KCTD16: variants seen among roughly 807,000 people sequenced by gnomAD.
KCTD16 encodes potassium channel tetramerization domain containing 16, also known as BTB/POZ domain-containing protein KCTD16.
In KCTD16, 13 loss-of-function variants were observed where a neutral mutation model predicts 33.2. The observed-to-expected ratio is 0.39, with a 90% CI of 0.25 to 0.62. KCTD16 has a LOEUF of 0.62. Ranked by LOEUF, KCTD16 falls within the 20% of genes least tolerant of loss-of-function variation. The probability of loss-of-function intolerance (pLI) is 0.50; values close to 1 mark genes in which losing one functional copy is unlikely to be tolerated. For missense variants in KCTD16, 441 were observed against 525.1 expected (o/e 0.84, Z 1.57); for synonymous variants, 197 against 195.3 (o/e 1.01, Z -0.07).
At chr5:144,313,884 G>A (rs2126879494) in intron 3 of KCTD16, among the ~76,000 whole-genome samples, 1 of 152,242 alleles carries the variant, frequency 6.6e-6, no homozygotes, top group African/African-American at 2.4e-5. Flanking sequence ...GCCAGGCACT[G>A]TCAATTATTT....
chr5:144,248,168 C>T (rs139270463), intron 3 of KCTD16, among the ~76,000 whole-genome samples: 81 of 152,198 alleles, frequency 5.3e-4, no homozygotes, highest in Non-Finnish European at 9.9e-4. Context: ...CCCTTGGAGG[C>T]AGAGACTTGA....
chr5:144,279,223 T>C (rs1755536306), intron 3 of KCTD16, among the ~76,000 whole-genome samples: 1 of 152,360 alleles, frequency 6.6e-6, no homozygotes, highest in Non-Finnish European at 1.5e-5. Flanking sequence ...ATTTTTTATG[T>C]AGACAAATAT....
chr5:144,209,828 ATATATATATATTTATATGTG>A (rs1044116961), intron 3 of KCTD16, among the ~76,000 whole-genome samples: 5 of 146,124 alleles, frequency 3.4e-5, no homozygotes, highest in African/African-American at 1.3e-4. Context: ...ATATATATAA[ATATATATATATTTATATGTG>A]TATATATATA....
chr5:144,271,385 T>C (rs1755290227), intron 3 of KCTD16, among the ~76,000 whole-genome samples: 1 of 152,024 alleles, frequency 6.6e-6, no homozygotes. Context: ...ATCACATTAA[T>C]AGAATGAAGG....
chr5:144,475,667 G>T lies in KCTD16; in HGVS notation c.*1553G>T, dbSNP rs756782754. 1.3e-5 allele frequency: 2 copies of T among 152,574 alleles called. No homozygotes were observed. The highest frequency in any genetic ancestry group is 2.4e-5 in the African/African-American group (1 of 41,434). 9.5% of individuals were successfully genotyped at this position (152,574 alleles called of 1,614,324 possible). A position where few individuals can be genotyped will look rare whatever the true frequency, so the allele number is the denominator to read the frequency against. ...AAGCACTCCTAATTTGTTTTATTGC[G>T]TGTGTGTGCATGTGTGTATGTGTAT... On this transcript the variant is annotated 3_prime_UTR_variant, in exon 4 of 4. Transcript: ENST00000512467.
At chr5:144,418,096 C>T (rs942659013) in intron 3 of KCTD16, among the ~76,000 whole-genome samples, 19 of 152,080 alleles carry the variant, frequency 1.2e-4, no homozygotes, top group African/African-American at 4.1e-4. Context: ...TGGAGTTGTT[C>T]GTTCCTCCTG....
chr5:144,299,133 TATATATATATATA>T (rs1340056171), intron 3 of KCTD16, among the ~76,000 whole-genome samples: 50 of 32,174 alleles, frequency 1.6e-3, no homozygotes, highest in Middle Eastern at 0.014. Context: ...TATATATATA[TATATATATATATA>T]TATTTTTTTT....
intron 3 of KCTD16, among the ~76,000 whole-genome samples, chr5:144,287,215 G>A (rs1231623709): frequency 1.3e-5 from 2 of 152,150 alleles, no homozygotes; most frequent in African/African-American, 4.8e-5. Flanking sequence ...GAAAGTCTCT[G>A]AGTCAAAATT....
intron 3 of KCTD16, among the ~76,000 whole-genome samples, chr5:144,306,224 G>C (rs1240857870): frequency 6.6e-6 from 1 of 152,234 alleles, no homozygotes; most frequent in Non-Finnish European, 1.5e-5. Context: ...GAAGGTAACA[G>C]TTCGACTTCA....
intron 3 of KCTD16, among the ~76,000 whole-genome samples, chr5:144,223,493 C>T (rs1041673726): frequency 1.3e-5 from 2 of 152,042 alleles, no homozygotes; most frequent in Non-Finnish European, 2.9e-5. Context: ...TATCATACAT[C>T]CAAGATATGG....
chr5:144,323,506 G>T (rs1752128092), intron 3 of KCTD16, among the ~76,000 whole-genome samples: 1 of 152,182 alleles, frequency 6.6e-6, no homozygotes, highest in South Asian at 2.1e-4. Context: ...ACTAGGTTTT[G>T]CAAGGCTACC....
At chr5:144,276,190 A>C (rs1755432809) in intron 3 of KCTD16, among the ~76,000 whole-genome samples, 1 of 152,216 alleles carries the variant, frequency 6.6e-6, no homozygotes, top group African/African-American at 2.4e-5. Context: ...GATAATTCTG[A>C]GACACATCAA....
chr5:144,372,038 G>A (rs1435363810), intron 3 of KCTD16, among the ~76,000 whole-genome samples: 1 of 152,058 alleles, frequency 6.6e-6, no homozygotes, highest in Non-Finnish European at 1.5e-5. Context: ...ACAGGTTAAG[G>A]ATTAGGCCAG....
chr5:144,389,265 C>T (rs1371246904), intron 3 of KCTD16, among the ~76,000 whole-genome samples: 1 of 152,140 alleles, frequency 6.6e-6, no homozygotes, highest in Admixed American at 6.5e-5. Flanking sequence ...AGGAACTGGG[C>T]CACACAGCAG....
chr5:144,454,759 A>G (rs566326927), intron 3 of KCTD16, among the ~76,000 whole-genome samples: 16 of 152,296 alleles, frequency 1.1e-4, no homozygotes, highest in Non-Finnish European at 2.4e-4. Context: ...CCAAGAAAGA[A>G]GAAAGTATCA....
intron 3 of KCTD16, among the ~76,000 whole-genome samples, chr5:144,422,668 G>T (rs574754687): frequency 6.6e-6 from 1 of 152,214 alleles, no homozygotes; most frequent in East Asian, 1.9e-4. Context: ...TATAATGAAA[G>T]AGTAAAGAAA....
chr5:144,371,807 AT>A (rs986461821), intron 3 of KCTD16, among the ~76,000 whole-genome samples: 1 of 151,958 alleles, frequency 6.6e-6, no homozygotes, highest in African/African-American at 2.4e-5. Flanking sequence ...CTGTTATGCC[AT>A]TTATGGGATA....
chr5:144,364,061 G>A (rs1751777931), intron 3 of KCTD16, among the ~76,000 whole-genome samples: 2 of 152,070 alleles, frequency 1.3e-5, no homozygotes, highest in African/African-American at 4.8e-5. Flanking sequence ...GCATTCTTAA[G>A]TCCTTTGTTC....
chr5:144,183,056 A>T (rs931088849), intron 2 of KCTD16, among the ~76,000 whole-genome samples: 36 of 152,016 alleles, frequency 2.4e-4, no homozygotes, highest in Non-Finnish European at 5.0e-4. Flanking sequence ...AAAAAAAAAA[A>T]ATAAAAGAGT....
Sources: allele counts gnomAD v4.1 joint callset (sites outside exome capture counted in the v4.1 genomes callset), GRCh38; gene constraint gnomAD v4.1.1; transcripts MANE v1.5; gene names NCBI Gene and HGNC (gene_info 2026-07-23, HGNC 2026-07-21).